The following SMYD3 variants were observed in gnomAD, a reference collection of about 807,000 sequenced individuals.
SMYD3 encodes the protein SET and MYND domain containing 3.
SMYD3 carries 36 observed loss-of-function variants against 57.7 expected under a neutral mutation model. That is an observed-to-expected ratio of 0.62 (90% CI 0.48 to 0.82). The LOEUF (loss-of-function observed/expected upper bound fraction) is 0.82, where lower values mean the gene tolerates loss of function less well. Ranked by LOEUF, SMYD3 falls within the 40% of genes least tolerant of loss-of-function variation. The probability of loss-of-function intolerance (pLI) is 0.00; values close to 1 mark genes in which losing one functional copy is unlikely to be tolerated. For synonymous variants in SMYD3, 211 were observed against 195.0 expected, an observed-to-expected ratio of 1.08 and a Z score of -0.68; for missense variants, 515 against 538.8, an observed-to-expected ratio of 0.96 and a Z score of 0.44.
At chr1:246,110,241 A>T (rs12094685) in intron 5 of SMYD3, among the ~76,000 whole-genome samples, 19,865 of 152,100 alleles carry the variant, frequency 0.13, 1,975 homozygotes, top group African/African-American at 0.28. Context: ...AGATGTGTGG[A>T]CTTAGACAAG....
rs576830560 is a variant in SMYD3 at position 246,158,463 on chromosome 1, C to T, written c.531+168738G>A. Among the ~76,000 whole-genome samples the T allele has an allele frequency of 6.6e-4, 100 of 152,078 alleles. 1 individual carries two copies. Among genetic ancestry groups the T allele is most frequent in the African/African-American group, 2.2e-3 (90 of 41,358 alleles). Reference sequence around the variant, plus strand: ...CATTTCAACTTTCACTTTGAAGAAACACTTTCAGATAAATAAATAAATACG... The same window carrying T: ...CATTTCAACTTTCACTTTGAAGAAATACTTTCAGATAAATAAATAAATACG... On this transcript the variant is annotated intron_variant, in intron 5 of 11. Transcript: ENST00000490107.
intron 1 of SMYD3, among the ~76,000 whole-genome samples, chr1:246,468,306 T>C (rs540755682): frequency 6.6e-6 from 1 of 152,242 alleles, no homozygotes; most frequent in East Asian, 1.9e-4. Context: ...TTTCTATAGA[T>C]GCAGAAAAAG....
At chr1:246,292,902 T>C (rs145505985) in intron 5 of SMYD3, among the ~76,000 whole-genome samples, 1 of 152,272 alleles carries the variant, frequency 6.6e-6, no homozygotes, top group Non-Finnish European at 1.5e-5. Context: ...AAGAACATAA[T>C]TTTAGTTAAT....
intron 10 of SMYD3, among the ~76,000 whole-genome samples, chr1:245,853,802 CCT>C (rs2051100173): frequency 6.6e-6 from 1 of 152,172 alleles, no homozygotes; most frequent in South Asian, 2.1e-4. Context: ...GTTACAAACC[CCT>C]GATTTGTAAC....
At chr1:245,773,539 G>T (rs933232476) in intron 10 of SMYD3, among the ~76,000 whole-genome samples, 10 of 152,206 alleles carry the variant, frequency 6.6e-5, no homozygotes, top group Non-Finnish European at 1.0e-4. Context: ...GCGCAGGGGT[G>T]AGGACTGGCC....
chr1:246,101,387 C>T (rs2061013551), intron 5 of SMYD3, among the ~76,000 whole-genome samples: 1 of 152,118 alleles, frequency 6.6e-6, no homozygotes, highest in Non-Finnish European at 1.5e-5. Context: ...CGTTTATCTG[C>T]TCCTCTTCCA....
At chr1:246,302,961 A>T (rs143503281) in intron 5 of SMYD3, among the ~76,000 whole-genome samples, 2 of 152,202 alleles carry the variant, frequency 1.3e-5, no homozygotes, top group Non-Finnish European at 2.9e-5. Flanking sequence ...AAACACCACA[A>T]ATATGTGGGT....
chr1:245,834,965 A>G (rs972000353), intron 10 of SMYD3, among the ~76,000 whole-genome samples: 14 of 152,174 alleles, frequency 9.2e-5, no homozygotes, highest in Non-Finnish European at 1.8e-4. Context: ...TTTCCATTAT[A>G]TGAGAAAGTG....
At position 246,506,298 on chromosome 1, in the gene SMYD3, C is replaced by T. The variant is rs2068535277; in HGVS notation, c.164+756G>A. On this transcript the variant is annotated intron_variant, in intron 1 of 11. Coordinates refer to ENST00000490107, the MANE Select transcript of SMYD3 (RefSeq NM_001167740.2). Reference sequence around the variant, plus strand: ...CACATAGCACTTTACACCGGCACAGCGCGTCCAGGCTTCCAAAACACCTTC... The same window carrying T: ...CACATAGCACTTTACACCGGCACAGTGCGTCCAGGCTTCCAAAACACCTTC... Among the ~76,000 whole-genome samples the T allele has an allele frequency of 3.3e-5, 5 of 152,152 alleles. 1 individual carries two copies. In the South Asian group the frequency reaches 1.0e-3, roughly 32 times the overall value.
intron 10 of SMYD3, among the ~76,000 whole-genome samples, chr1:245,847,201 A>G (rs779066582): frequency 2.6e-5 from 4 of 152,208 alleles, no homozygotes; most frequent in Admixed American, 6.5e-5. Flanking sequence ...CTTGCTCTAA[A>G]TAACTGTAAT....
rs532990300 is a variant in SMYD3 at position 246,468,592 on chromosome 1, G to GT, written c.164+38461_164+38462insA. Among the ~76,000 whole-genome samples, 16 of 152,146 alleles carry GT rather than the reference G, an allele frequency of 1.1e-4. No homozygotes were observed. In the South Asian group the frequency reaches 3.3e-3, roughly 32 times the overall value. On this transcript the variant is annotated intron_variant, in intron 1 of 11. Coordinates refer to ENST00000490107, the MANE Select transcript of SMYD3 (RefSeq NM_001167740.2). ...GGAGGCAGAGGTTGCAGTGGGCCAA[G>GT]ATCACACCACTGCACTCCAGCCTGG...
chr1:246,326,295 T>C (rs2065347058), intron 5 of SMYD3: 5 of 625,592 alleles, frequency 8.0e-6, no homozygotes, highest in Non-Finnish European at 1.4e-5. Flanking sequence ...AAACACACAA[T>C]GTGAGAAAGC....
chr1:245,985,390 T>C (rs1436039479), intron 5 of SMYD3, among the ~76,000 whole-genome samples: 2 of 152,236 alleles, frequency 1.3e-5, no homozygotes, highest in Non-Finnish European at 2.9e-5. Context: ...AAGTTATCAA[T>C]ACTTAAAAGT....
intron 5 of SMYD3, among the ~76,000 whole-genome samples, chr1:246,083,191 G>A (rs534797057): frequency 2.0e-5 from 3 of 151,930 alleles, no homozygotes; most frequent in Non-Finnish European, 2.9e-5. Flanking sequence ...TCTCCTGCTC[G>A]TCCCTGGGCA....
At position 246,089,899 on chromosome 1, in the gene SMYD3, T is replaced by C. The variant is rs541242799; in HGVS notation, c.532-159962A>G. On this transcript the variant is annotated intron_variant, in intron 5 of 11. Coordinates refer to ENST00000490107, the MANE Select transcript of SMYD3 (RefSeq NM_001167740.2). Reference sequence around the variant, plus strand: ...TGGTAGTTTGCTTTTTTTTTTTTTTTCTGGGGGAGGGGTGTTTTTACAAGG... The same window carrying C: ...TGGTAGTTTGCTTTTTTTTTTTTTTCCTGGGGGAGGGGTGTTTTTACAAGG... Among the ~76,000 whole-genome samples the C allele has an allele frequency of 4.3e-4, 56 of 131,226 alleles. No individual in the cohort carries two copies. In the South Asian group the frequency reaches 9.7e-3, roughly 23 times the overall value. 86.1% of individuals were successfully genotyped at this position (131,226 alleles called of 152,430 possible).
At chr1:245,985,059 C>T (rs773472169) in intron 5 of SMYD3, among the ~76,000 whole-genome samples, 8 of 152,132 alleles carry the variant, frequency 5.3e-5, no homozygotes, top group South Asian at 4.1e-4. Flanking sequence ...CACCTGACCA[C>T]ACAGCATTCC....
intron 5 of SMYD3, among the ~76,000 whole-genome samples, chr1:246,083,515 G>GGGTCCTCCGTATGCTGAGCGCC (rs201949202): frequency 0.14 from 21,778 of 151,198 alleles, 2,570 homozygotes; most frequent in African/African-American, 0.32. Context: ...GTGCCGGCGC[G>GGGTCCTCCGTATGCTGAGCGCC]GGTCCCCTGC....
intron 10 of SMYD3, among the ~76,000 whole-genome samples, chr1:245,800,584 G>A (rs1407609774): frequency 6.6e-6 from 1 of 152,148 alleles, no homozygotes; most frequent in African/African-American, 2.4e-5. Flanking sequence ...TCATGCAGAT[G>A]TCCCTACGTA....
At chr1:246,207,459 T>C (rs994293861) in intron 5 of SMYD3, among the ~76,000 whole-genome samples, 2 of 152,066 alleles carry the variant, frequency 1.3e-5, no homozygotes, top group African/African-American at 4.8e-5. Flanking sequence ...CTTATTTCCA[T>C]CTAAATACAG....
Sources: allele counts gnomAD v4.1 joint callset (sites outside exome capture counted in the v4.1 genomes callset), GRCh38; gene constraint gnomAD v4.1.1; transcripts MANE v1.5; gene names NCBI Gene and HGNC (gene_info 2026-07-23, HGNC 2026-07-21).